GUCY2F: variants seen among roughly 807,000 people sequenced by gnomAD.
GUCY2F encodes the protein retinal guanylyl cyclase 2.
A neutral mutation model predicts 73.1 loss-of-function variants in GUCY2F; 61 were observed. That is an observed-to-expected ratio of 0.83 (90% CI 0.68 to 1.03). The LOEUF is 1.03. Ranked by LOEUF, GUCY2F falls within the 50% of genes least tolerant of loss-of-function variation. The pLI, the probability that GUCY2F is intolerant of heterozygous loss-of-function variation, is 0.00. For missense variants in GUCY2F, 912 were observed against 854.3 expected, an observed-to-expected ratio of 1.07 and a Z score of -0.84; for synonymous variants, 331 against 307.8, an observed-to-expected ratio of 1.08 and a Z score of -0.79.
intron 10 of GUCY2F, 76 bp from the exon 11 acceptor site, chrX:109,398,774 G>A: frequency 1.1e-6 from 1 of 945,099 alleles, no homozygotes; most frequent in East Asian, 3.1e-5. Flanking sequence ...AGGGCTCAGA[G>A]GGTACTGTTT....
chrX:109,392,095 G>A lies in GUCY2F; in HGVS notation c.2597C>T (p.Ala866Val). The A allele has an allele frequency of 8.4e-7, 1 of 1,193,987 alleles. No individual in the cohort carries two copies. The highest frequency in any genetic ancestry group is 1.1e-6 in the Non-Finnish European group (1 of 884,971). Residue 866 changes from alanine to valine, a missense_variant, in exon 14 of 20, where the codon GCT becomes GTT. Transcript: ENST00000218006. ...LLTQMLPPSV[A>V]ESLKKGCTVE... Reference sequence around the variant, plus strand: ...TGTGCAGCCCTTTTTGAGAGATTCAGCAACTGATCTGAAAAGCAGACACAG... The same window carrying A: ...TGTGCAGCCCTTTTTGAGAGATTCAACAACTGATCTGAAAAGCAGACACAG...
chrX:109,376,334 T>C, intron 17 of GUCY2F, among the ~76,000 whole-genome samples, 167 bp from the exon 18 acceptor site: 1 of 112,338 alleles, frequency 8.9e-6, no homozygotes, highest in Non-Finnish European at 1.9e-5. Flanking sequence ...TATCAAGCTG[T>C]CATCCAGATG....
At chrX:109,400,840 T>A (rs1413231209) in intron 10 of GUCY2F, among the ~76,000 whole-genome samples, 1 of 112,346 alleles carries the variant, frequency 8.9e-6, no homozygotes, top group Non-Finnish European at 1.9e-5. Flanking sequence ...AATGATTGAA[T>A]GTCAAAGGAA....
At chrX:109,388,424 CCTTT>C in intron 15 of GUCY2F, 61 bp downstream of exon 15, 1 of 855,818 alleles carries the variant, frequency 1.2e-6, no homozygotes, top group Non-Finnish European at 1.7e-6. Flanking sequence ...TATCTTTTTC[CCTTT>C]CTTTTTTAGT....
At chrX:109,431,684 G>A (rs1180118821) in intron 7 of GUCY2F, among the ~76,000 whole-genome samples, 1 of 97,344 alleles carries the variant, frequency 1.0e-5, no homozygotes, top group Non-Finnish European at 2.1e-5. Context: ...GAGCGACAGA[G>A]CTAGACTCTG....
chrX:109,374,013 T>C (rs1930119897), intron 19 of GUCY2F, among the ~76,000 whole-genome samples: 1 of 112,313 alleles, frequency 8.9e-6, no homozygotes, highest in Non-Finnish European at 1.9e-5. Context: ...GTTTCAAGTT[T>C]TTCCTCAACA....
chrX:109,429,307 G>A (rs1273755438), intron 8 of GUCY2F, among the ~76,000 whole-genome samples: 4 of 109,622 alleles, frequency 3.6e-5, no homozygotes. Flanking sequence ...CATCCACTCA[G>A]GAGTCTGAGG....
chrX:109,453,274 G>A (rs1232863897), intron 4 of GUCY2F, among the ~76,000 whole-genome samples: 1 of 109,856 alleles, frequency 9.1e-6, no homozygotes, highest in Non-Finnish European at 1.9e-5. Context: ...TTTTTGAAAA[G>A]AGTGGTGGGG....
At chrX:109,481,091 GAA>G (rs1299221748) in intron 1 of GUCY2F, among the ~76,000 whole-genome samples, 52 of 74,640 alleles carry the variant, frequency 7.0e-4, no homozygotes, top group African/African-American at 2.5e-3. Context: ...AGGAAGGAAG[GAA>G]GGAAGGAAGG....
intron 7 of GUCY2F, among the ~76,000 whole-genome samples, chrX:109,434,608 T>C (rs1335722725): frequency 1.8e-5 from 2 of 110,430 alleles, no homozygotes; most frequent in Non-Finnish European, 3.8e-5. Context: ...TTTCTTTTGC[T>C]GTGCAGAAGC....
intron 1 of GUCY2F, among the ~76,000 whole-genome samples, chrX:109,481,304 G>A (rs1932764311): frequency 8.9e-6 from 1 of 112,067 alleles, no homozygotes; most frequent in Non-Finnish European, 1.9e-5. Context: ...GTTGTTCTGG[G>A]GCCATTGCCT....
chrX:109,462,370 G>A (rs1384698393), intron 3 of GUCY2F, among the ~76,000 whole-genome samples: 2 of 112,273 alleles, frequency 1.8e-5, no homozygotes, highest in African/African-American at 6.5e-5. Flanking sequence ...GGAAAATTGG[G>A]GTTTTGTTTA....
chrX:109,433,246 T>C (rs916252385), intron 7 of GUCY2F, among the ~76,000 whole-genome samples: 55 of 112,371 alleles, frequency 4.9e-4, no homozygotes, highest in African/African-American at 1.7e-3. Context: ...GTCTGGCTTA[T>C]TAAGTGCCAC....
intron 8 of GUCY2F, among the ~76,000 whole-genome samples, chrX:109,413,621 G>A (rs1243497368): frequency 5.4e-5 from 6 of 110,808 alleles, no homozygotes; most frequent in Admixed American, 2.9e-4. Context: ...GGCCAGGCTG[G>A]TCTCGAACTC....
intron 7 of GUCY2F, among the ~76,000 whole-genome samples, chrX:109,434,942 T>C (rs1325138553): frequency 1.8e-5 from 2 of 110,010 alleles, no homozygotes; most frequent in Non-Finnish European, 3.8e-5. Flanking sequence ...GTTGTAGATA[T>C]GTGGCGTTAT....
At chrX:109,456,250 C>A (rs1201311896) in intron 3 of GUCY2F, among the ~76,000 whole-genome samples, 1 of 111,787 alleles carries the variant, frequency 8.9e-6, no homozygotes, top group East Asian at 2.8e-4. Flanking sequence ...GTAATTTCTG[C>A]AAAACCCTGA....
At chrX:109,397,620 T>C (rs2147256154) in intron 11 of GUCY2F, among the ~76,000 whole-genome samples, 1 of 111,918 alleles carries the variant, frequency 8.9e-6, no homozygotes, top group South Asian at 3.7e-4. Flanking sequence ...ATTTCATCAG[T>C]TTTCCCTTAA....
At chrX:109,463,208 T>A (rs1932397498) in intron 3 of GUCY2F, among the ~76,000 whole-genome samples, 1 of 111,316 alleles carries the variant, frequency 9.0e-6, no homozygotes, top group Non-Finnish European at 1.9e-5. Context: ...AATATGAATA[T>A]CAGACACAAT....
chrX:109,391,705 G>T (rs986997342), intron 14 of GUCY2F, among the ~76,000 whole-genome samples: 1 of 111,828 alleles, frequency 8.9e-6, no homozygotes, highest in Non-Finnish European at 1.9e-5. Flanking sequence ...TGGGTTGAAA[G>T]TTGCTATTTT....
Sources: allele counts gnomAD v4.1 joint callset (sites outside exome capture counted in the v4.1 genomes callset), GRCh38; gene constraint gnomAD v4.1.1; transcripts MANE v1.5; gene names NCBI Gene and HGNC (gene_info 2026-07-23, HGNC 2026-07-21).